PCDHGB1: variants seen among roughly 807,000 people sequenced by gnomAD.
The protein encoded by PCDHGB1 is protocadherin gamma-B1.
Under a neutral mutation model 56.6 loss-of-function variants are expected in PCDHGB1, and 34 were observed. That is an observed-to-expected ratio of 0.60 (90% CI 0.46 to 0.80). The LOEUF (loss-of-function observed/expected upper bound fraction) is 0.80. PCDHGB1 is among the 30% of genes least tolerant of loss of function. PCDHGB1 has a pLI of 0.00. For missense variants in PCDHGB1, 1,278 were observed against 1,204.6 expected, an observed-to-expected ratio of 1.06 and a Z score of -0.90; for synonymous variants, 561 against 505.9, an observed-to-expected ratio of 1.11 and a Z score of -1.46.
At position 141,433,069 on chromosome 5, in the gene PCDHGB1, C is replaced by G. The variant is rs561950316; in HGVS notation, c.2410-61738C>G. The G allele has an allele frequency of 3.1e-6, 5 of 1,614,200 alleles. No homozygotes were observed. In the Admixed American group the frequency reaches 8.3e-5, roughly 27 times the overall value. Reference sequence around the variant, plus strand: ...ACTCGCGGAAGAGTCACCTGATCTTCCCCCAGCCCAACTATGCAGACATGC... The same window carrying G: ...ACTCGCGGAAGAGTCACCTGATCTTGCCCCAGCCCAACTATGCAGACATGC... On this transcript the variant is annotated intron_variant, in intron 1 of 3. Coordinates refer to ENST00000523390, the MANE Select transcript of PCDHGB1 (RefSeq NM_018922.3).
rs959855220 is a variant in PCDHGB1, at chr5:141,476,280, G to A, written c.2410-18527G>A. 4 of 1,614,010 alleles carry A rather than the reference G, an allele frequency of 2.5e-6. No individual in the cohort carries two copies. In the African/African-American group the frequency reaches 5.3e-5, roughly 22 times the overall value. On this transcript the variant is annotated intron_variant, in intron 1 of 3. Transcript: ENST00000523390. This position sits in a 1 kb window ranked among gnomAD's most constrained non-coding sequence, Gnocchi z 7.6. ...GTGGGCAACGTGGTCGCGAACCTTG[G>A]TTTGGATCTCGGTAGCCTCTCAGCC...
At chr5:141,403,236 T>G in intron 1 of PCDHGB1, 1 of 1,613,908 alleles carries the variant, frequency 6.2e-7, no homozygotes, top group South Asian at 1.1e-5. Flanking sequence ...CGGGAGGAGC[T>G]CTGTGCTCAG....
intron 1 of PCDHGB1, among the ~76,000 whole-genome samples, chr5:141,443,131 A>G (rs1042010214): frequency 7.2e-5 from 11 of 152,144 alleles, no homozygotes; most frequent in Non-Finnish European, 1.6e-4. Context: ...GATTAAGAAC[A>G]CTATCATAAG....
intron 3 of PCDHGB1, among the ~76,000 whole-genome samples, chr5:141,509,262 ACT>A (rs761383166): frequency 9.2e-5 from 14 of 151,714 alleles, no homozygotes; most frequent in Non-Finnish European, 1.9e-4. Flanking sequence ...GGCTTTAGTC[ACT>A]CTCGCTACCC....
chr5:141,381,177 C>T (rs935775632), intron 1 of PCDHGB1, among the ~76,000 whole-genome samples: 3 of 152,214 alleles, frequency 2.0e-5, no homozygotes, highest in Admixed American at 6.5e-5. Context: ...TCCCACAAAA[C>T]GAAGTTAAGC....
chr5:141,429,760 C>T (rs1036499079), intron 1 of PCDHGB1, among the ~76,000 whole-genome samples: 2 of 152,020 alleles, frequency 1.3e-5, no homozygotes, highest in Non-Finnish European at 2.9e-5. Context: ...AATTTTTTCC[C>T]TATATTTTGA....
rs140933475 is a variant in PCDHGB1 at position 141,477,405 on chromosome 5, G to A, written c.2410-17402G>A. The A allele has an allele frequency of 3.8e-4, 608 of 1,614,076 alleles. No individual in the cohort carries two copies. The highest frequency in any genetic ancestry group is 4.6e-4 in the Non-Finnish European group (540 of 1,180,022). On this transcript the variant is annotated intron_variant, in intron 1 of 3. Transcript: ENST00000523390. This position sits in a 1 kb window ranked among gnomAD's most constrained non-coding sequence, Gnocchi z 4.9. ...GAATACAACCTCAGCATCACCGCCC[G>A]AGACGCCGGAACCCCTTCCCTCTCA...
At chr5:141,366,614 G>A in intron 1 of PCDHGB1, 10 of 1,614,248 alleles carry the variant, frequency 6.2e-6, no homozygotes, top group Non-Finnish European at 7.6e-6. Flanking sequence ...CCTCACCGCG[G>A]ACTCGAGGAA....
At chr5:141,385,582 G>T (rs1192405517) in intron 1 of PCDHGB1, 42 of 1,273,732 alleles carry the variant, frequency 3.3e-5, no homozygotes, top group Non-Finnish European at 4.1e-5. Context: ...TCCAATCTAT[G>T]TTCCAACCTA....
At position 141,485,704 on chromosome 5, in the gene PCDHGB1, CTT is replaced by C; in HGVS notation, c.2410-9101_2410-9100del. On this transcript the variant is annotated intron_variant, in intron 1 of 3. Coordinates refer to ENST00000523390, the MANE Select transcript of PCDHGB1 (RefSeq NM_018922.3). The surrounding 1 kb of genome is among the most constrained non-coding windows in gnomAD (Gnocchi z 5.7). ...GCTATAGGCTGAGCTCCAATGAACA[CTT>C]TGCACTGGATGTGAAGAAGCGCAGC... is the stretch of plus-strand genomic sequence containing the variant. 6.2e-7 allele frequency: 1 copy of C among 1,614,180 alleles called. No homozygotes were observed. The highest frequency in any genetic ancestry group is 8.5e-7 in the Non-Finnish European group (1 of 1,180,032).
chr5:141,357,609 C>T (rs1760674283), intron 1 of PCDHGB1: 1 of 1,613,778 alleles, frequency 6.2e-7, no homozygotes, highest in Non-Finnish European at 8.5e-7. Context: ...CAAAAGGAGA[C>T]CCTAATCTTC....
intron 1 of PCDHGB1, among the ~76,000 whole-genome samples, chr5:141,433,404 T>TATCTATCA (rs757435896): frequency 6.8e-6 from 1 of 146,200 alleles, no homozygotes; most frequent in Non-Finnish European, 1.5e-5. Flanking sequence ...TCTATCTATC[T>TATCTATCA]ATTACTTTCT....
At chr5:141,356,124 T>C (rs1402643730) in intron 1 of PCDHGB1, 3 of 1,613,758 alleles carry the variant, frequency 1.9e-6, no homozygotes, top group Non-Finnish European at 2.5e-6. Flanking sequence ...GGGGTCTAGA[T>C]TATGAGGACT....
rs751905674 is a variant in PCDHGB1, at chr5:141,408,643, C to A, written c.2409+55974C>A. On this transcript the variant is annotated intron_variant, in intron 1 of 3. Coordinates refer to ENST00000523390, the MANE Select transcript of PCDHGB1 (RefSeq NM_018922.3). ...ATTTAGAAATTTTCGAATCTGCATCCGCTGGTACACGACTATCGCTTGACC... is the reference window on the plus strand; with the variant it reads ...ATTTAGAAATTTTCGAATCTGCATCAGCTGGTACACGACTATCGCTTGACC... 13 of 1,613,792 alleles carry A rather than the reference C, an allele frequency of 8.1e-6. No homozygotes were observed. The African/African-American group carries it at 1.6e-4, about 20-fold the overall frequency.
At position 141,395,150 on chromosome 5, in the gene PCDHGB1, C is replaced by T. The variant is rs368875505; in HGVS notation, c.2409+42481C>T. ...CCCAGCCCAACTACGCAGACATGCT[C>T]ATCAGTCAGGAGGGCTGTGAGAAAA... On this transcript the variant is annotated intron_variant, in intron 1 of 3. Transcript: ENST00000523390. 8 of 1,614,044 alleles carry T rather than the reference C, an allele frequency of 5.0e-6. No individual in the cohort carries two copies. In the African/African-American group the frequency reaches 6.7e-5, roughly 13 times the overall value.
At position 141,476,565 on chromosome 5, in the gene PCDHGB1, C is replaced by A; in HGVS notation, c.2410-18242C>A. 1 of 1,614,184 alleles carries A rather than the reference C, an allele frequency of 6.2e-7. No homozygotes were observed. ...TTGGAGATTAGCGAGGCCGTGGCTC[C>A]GGGGACGCGCTTTCCGCTCGAGAGC... On this transcript the variant is annotated intron_variant, in intron 1 of 3. Coordinates refer to ENST00000523390, the MANE Select transcript of PCDHGB1 (RefSeq NM_018922.3). The surrounding 1 kb of genome is among the most constrained non-coding windows in gnomAD (Gnocchi z 7.6).
chr5:141,413,994 G>A, intron 1 of PCDHGB1: 1 of 1,613,422 alleles, frequency 6.2e-7, no homozygotes, highest in Non-Finnish European at 8.5e-7. Context: ...CCACCGACAG[G>A]GACGAAGGTG....
At chr5:141,496,289 G>A (rs1347634489) in intron 2 of PCDHGB1, among the ~76,000 whole-genome samples, 3 of 152,224 alleles carry the variant, frequency 2.0e-5, no homozygotes, top group Non-Finnish European at 4.4e-5. Flanking sequence ...GGTCTGAGCA[G>A]AGTGGGATAG....
At chr5:141,414,132 T>A in intron 1 of PCDHGB1, 1 of 1,594,828 alleles carries the variant, frequency 6.3e-7, no homozygotes, top group South Asian at 1.1e-5. Flanking sequence ...CCGGTTTCTA[T>A]GAAATAGAAA....
Sources: allele counts gnomAD v4.1 joint callset (sites outside exome capture counted in the v4.1 genomes callset), GRCh38; gene constraint gnomAD v4.1.1; non-coding constraint Gnocchi (gnomAD v3.1); transcripts MANE v1.5; gene names NCBI Gene and HGNC (gene_info 2026-07-23, HGNC 2026-07-21).